The following PHF19 variants were observed in gnomAD, a reference collection of about 807,000 sequenced individuals.
The protein encoded by PHF19 is polycomb like 3.
Under a neutral mutation model 79.8 loss-of-function variants are expected in PHF19, and 21 were observed. The ratio of observed to expected loss-of-function variants is 0.26; its 90% CI spans 0.19 to 0.38. The LOEUF (loss-of-function observed/expected upper bound fraction) is 0.38. PHF19 is among the 10% of genes least tolerant of loss of function. The probability of loss-of-function intolerance (pLI) is 1.00; values close to 1 mark genes in which losing one functional copy is unlikely to be tolerated. For missense variants in PHF19, 445 were observed against 744.2 expected, an observed-to-expected ratio of 0.60 and a Z score of 4.68; for synonymous variants, 273 against 296.3, an observed-to-expected ratio of 0.92 and a Z score of 0.81.
chr9:120,858,517 CGAGGAGGGAA>C (rs1268529907), intron 14 of PHF19, among the ~76,000 whole-genome samples: 2 of 152,076 alleles, frequency 1.3e-5, no homozygotes, highest in African/African-American at 2.4e-5. Flanking sequence ...AAGAGCCCTG[CGAGGAGGGAA>C]ACTGAGGGTC....
upstream of PHF19, among the ~76,000 whole-genome samples, chr9:120,899,495 C>CAA (rs1261417216): frequency 5.3e-5 from 5 of 95,048 alleles, no homozygotes; most frequent in Admixed American, 1.2e-4. Flanking sequence ...GACTCCGTCT[C>CAA]AAAAAAAAAA....
At chr9:120,881,383 G>A (rs1201245375), upstream of PHF19, among the ~76,000 whole-genome samples, 1 of 152,028 alleles carries the variant, frequency 6.6e-6, no homozygotes, top group Non-Finnish European at 1.5e-5. Context: ...TCCTGACCTC[G>A]TGATCCGCCC....
intron 3 of PHF19, 34 bp downstream of exon 3, chr9:120,873,945 G>T: frequency 9.0e-7 from 1 of 1,109,920 alleles, no homozygotes. Context: ...ACCTGGGGAG[G>T]TTGGGGGCTA....
Position 120,860,900 on chromosome 9 carries a change from G to T in PHF19, c.1304+189C>A. On this transcript the variant is annotated intron_variant, in intron 13 of 14. Transcript: ENST00000373896. The surrounding 1 kb of genome is among the most constrained non-coding windows in gnomAD (Gnocchi z 4.1). Reference sequence around the variant, plus strand: ...TGTGGATAACCATGGGGCAAGGTGGGGAGGGCTGGAGAAGAGGGGAGGGCT... The same window carrying T: ...TGTGGATAACCATGGGGCAAGGTGGTGAGGGCTGGAGAAGAGGGGAGGGCT... 1 of 567,708 alleles carries T rather than the reference G, an allele frequency of 1.8e-6. No individual in the cohort carries two copies. The allele number at this position is 567,708 out of a possible 1,614,324, so 35.2% of individuals were successfully genotyped here. A position where few individuals can be genotyped will look rare whatever the true frequency, so the allele number is the denominator to read the frequency against.
chr9:120,895,543 C>T (rs1166544126), upstream of PHF19, among the ~76,000 whole-genome samples: 1 of 151,952 alleles, frequency 6.6e-6, no homozygotes, highest in African/African-American at 2.4e-5. Context: ...GCATAGAACC[C>T]CCCAGTGAGC....
chr9:120,874,633 T>C lies in PHF19; in HGVS notation c.109A>G (p.Met37Val). ...TACTGGCCCTCCGTCAGTTTGGACA[T>C]CAAGTCTTTGAAGTTGTTCTTGACC... ...AKVKNNFKDL[M>V]SKLTEGQYVL... Residue 37 changes from methionine (M) to valine (V), a missense_variant, in exon 2 of 15, where the codon ATG becomes GTG. Physicochemically the swap from Met to Val is conservative, Grantham distance 21. Coordinates refer to ENST00000373896, the MANE Select transcript of PHF19 (RefSeq NM_015651.3). This position sits in a 1 kb window ranked among gnomAD's most constrained non-coding sequence, Gnocchi z 4.5. 2 of 1,614,044 alleles carry C rather than the reference T, an allele frequency of 1.2e-6. No individual in the cohort carries two copies. The highest frequency in any genetic ancestry group is 1.7e-6 in the Non-Finnish European group (2 of 1,179,884).
rs1271700987 is a variant in PHF19, at chr9:120,891,796, C to G, written c.42+2992G>C. ...GGAGAGACGGAAGCATCACAGTCACCTGGTAGAAGGATGCCTGTCTGAGCC... is the reference window on the plus strand; with the variant it reads ...GGAGAGACGGAAGCATCACAGTCACGTGGTAGAAGGATGCCTGTCTGAGCC... On this transcript the variant is annotated intron_variant, in intron 1 of 14. Transcript: ENST00000616568. This position sits in a 1 kb window ranked among gnomAD's most constrained non-coding sequence, Gnocchi z 4.3. Among the ~76,000 whole-genome samples the G allele has an allele frequency of 6.6e-6, 1 of 152,178 alleles. No individual in the cohort carries two copies. Among genetic ancestry groups the G allele is most frequent in the Non-Finnish European group, 1.5e-5 (1 of 68,028 alleles).
chr9:120,875,993 T>G (rs1036380615), intron 1 of PHF19: 2 of 152,642 alleles, frequency 1.3e-5, no homozygotes, highest in African/African-American at 4.8e-5. Flanking sequence ...GCACCTGGTG[T>G]TGTGACTATC....
At position 120,858,811 on chromosome 9, in the gene PHF19, T is replaced by TCTCACACACACA. The variant is rs764897588; in HGVS notation, c.1401-526_1401-525insTGTGTGTGTGAG. Among the ~76,000 whole-genome samples, 65 of 122,892 alleles carry TCTCACACACACA rather than the reference T, an allele frequency of 5.3e-4. 1 individual carries two copies. The highest frequency in any genetic ancestry group is 2.0e-3 in the African/African-American group (65 of 32,876). The allele number at this position is 122,892 out of a possible 152,430, so 80.6% of individuals were successfully genotyped here. On this transcript the variant is annotated intron_variant, in intron 14 of 14. Coordinates refer to ENST00000373896, the MANE Select transcript of PHF19 (RefSeq NM_015651.3). ...GCCTGGATGGAGAGACTGACAGACA[T>TCTCACACACACA]CACACACACACACACACACACACAC...
At chr9:120,861,337 C>A (rs969536540) in intron 12 of PHF19, among the ~76,000 whole-genome samples, 163 bp from the exon 13 acceptor site, 1 of 152,196 alleles carries the variant, frequency 6.6e-6, no homozygotes, top group Non-Finnish European at 1.5e-5. Context: ...CAAAGTCATC[C>A]CAGTTCTAGC....
At chr9:120,864,792 G>C (rs72758138) in intron 9 of PHF19, among the ~76,000 whole-genome samples, 19,310 of 151,994 alleles carry the variant, frequency 0.13, 1,359 homozygotes, top group African/African-American at 0.18. Flanking sequence ...TCATTTAAAC[G>C]ATAAAACAGA....
intron 1 of PHF19, among the ~76,000 whole-genome samples, chr9:120,884,602 T>C (rs571341152): frequency 3.9e-5 from 6 of 152,262 alleles, no homozygotes; most frequent in African/African-American, 7.2e-5. Context: ...CCAGGTGATA[T>C]GGTGTATTCA....
rs1014354359 is a variant in PHF19, at chr9:120,857,778, A to G, written c.*166T>C. ...CTGGAACAGAGCTGGTACAGCAGAGAGACGCAGGCCTTGGCCTGGCAGGCA... is the reference window on the plus strand; with the variant it reads ...CTGGAACAGAGCTGGTACAGCAGAGGGACGCAGGCCTTGGCCTGGCAGGCA... On this transcript the variant is annotated 3_prime_UTR_variant, in exon 15 of 15. Transcript: ENST00000373896. 3.3e-5 allele frequency: 19 copies of G among 573,670 alleles called. No individual in the cohort carries two copies. The highest frequency in any genetic ancestry group is 5.3e-5 in the Non-Finnish European group (17 of 322,682). The allele number at this position is 573,670 out of a possible 1,614,324, so 35.5% of individuals were successfully genotyped here.
chr9:120,856,759 C>G lies in PHF19; in HGVS notation c.*1185G>C, dbSNP rs1258841241. The G allele has an allele frequency of 1.3e-5, 2 of 152,716 alleles. No homozygotes were observed. The highest frequency in any genetic ancestry group is 2.9e-5 in the Non-Finnish European group (2 of 68,100). 9.5% of individuals were successfully genotyped at this position (152,716 alleles called of 1,614,324 possible). A position where few individuals can be genotyped will look rare whatever the true frequency, so the allele number is the denominator to read the frequency against. On this transcript the variant is annotated 3_prime_UTR_variant, in exon 15 of 15. Transcript: ENST00000373896. ...AGTGATTGTCCATTTCAGGGCAGGG[C>G]AAGGGATATGAAAGAGGGTGAGTCC...
intron 1 of PHF19, 95 bp downstream of exon 1, chr9:120,876,995 CG>C: frequency 1.0e-6 from 1 of 985,370 alleles, no homozygotes; most frequent in Non-Finnish European, 1.2e-6. Flanking sequence ...CGGAGGCGTT[CG>C]GGCCGCCAAA....
chr9:120,868,887 GCCCGCCCCCCGAGGC>G, intron 6 of PHF19: 1 of 1,113,846 alleles, frequency 9.0e-7, no homozygotes, highest in Non-Finnish European at 1.1e-6. Context: ...AACCTTCCGG[GCCCGCCCCCCGAGGC>G]CCCGCCCTCA....
upstream of PHF19, among the ~76,000 whole-genome samples, chr9:120,899,071 C>T (rs770310313): frequency 1.5e-4 from 23 of 151,908 alleles, no homozygotes; most frequent in African/African-American, 2.2e-4. Context: ...TGGTGGCAGG[C>T]GCCTGTAATC....
chr9:120,859,585 C>T (rs1350584263), intron 14 of PHF19, among the ~76,000 whole-genome samples: 1 of 152,188 alleles, frequency 6.6e-6, no homozygotes, highest in Non-Finnish European at 1.5e-5. Context: ...GGATTTCTGT[C>T]CCCACTCCTA....
rs2131598171 is a variant in PHF19 at position 120,891,100 on chromosome 9, C to T, written c.42+3688G>A. On this transcript the variant is annotated intron_variant, in intron 1 of 14. Coordinates refer to the PHF19 transcript ENST00000616568. The surrounding 1 kb of genome is among the most constrained non-coding windows in gnomAD (Gnocchi z 4.3). Reference sequence around the variant, plus strand: ...ATGGTCCTTATTCCCAAAACTCACCCCAAGCCTCTCCTGCAGGGGTGGGGA... The same window carrying T: ...ATGGTCCTTATTCCCAAAACTCACCTCAAGCCTCTCCTGCAGGGGTGGGGA... Among the ~76,000 whole-genome samples, 1 of 152,312 alleles carries T rather than the reference C, an allele frequency of 6.6e-6. No homozygotes were observed. The highest frequency in any genetic ancestry group is 1.9e-4 in the East Asian group (1 of 5,178).
Sources: gnomAD v4.1 joint callset for allele counts (sites outside exome capture counted in the v4.1 genomes callset) on GRCh38, gnomAD v4.1.1 for gene constraint, Gnocchi (gnomAD v3.1) non-coding constraint, MANE v1.5 for transcripts, NCBI Gene and HGNC (gene_info 2026-07-23, HGNC 2026-07-21) for gene names.